RAB3B: variants seen among roughly 807,000 people sequenced by gnomAD.
RAB3B encodes the protein ras-related protein Rab-3B.
RAB3B carries 11 observed loss-of-function variants against 20.5 expected under a neutral mutation model. The observed-to-expected ratio is 0.54, with a 90% CI of 0.34 to 0.89. The LOEUF (loss-of-function observed/expected upper bound fraction) is 0.89, where lower values mean the gene tolerates loss of function less well. Among genes scored for constraint, RAB3B ranks in the 40% least tolerant of loss-of-function variants. The pLI, the probability that RAB3B is intolerant of heterozygous loss-of-function variation, is 0.02. For missense variants in RAB3B, 225 were observed against 280.9 expected, an observed-to-expected ratio of 0.80 and a Z score of 1.42; for synonymous variants, 99 against 106.3, an observed-to-expected ratio of 0.93 and a Z score of 0.42.
Position 51,960,686 on chromosome 1 carries a change from G to A in RAB3B, c.228+16204C>T, listed in dbSNP as rs1411661211. 2.0e-5 allele frequency among the ~76,000 whole-genome samples: 3 copies of A among 152,258 alleles called. No homozygotes were observed. The East Asian group carries it at 5.8e-4, about 29-fold the overall frequency. On this transcript the variant is annotated intron_variant, in intron 2 of 4. Coordinates refer to ENST00000371655, the MANE Select transcript of RAB3B (RefSeq NM_002867.4). ...CTCCAGCCTTAGATGGCAACTGGAC[G>A]TCTTCAGGGGCAGAGCACTGCTGCT...
At chr1:51,963,363 A>G (rs927454233) in intron 2 of RAB3B, among the ~76,000 whole-genome samples, 4 of 152,102 alleles carry the variant, frequency 2.6e-5, no homozygotes, top group Non-Finnish European at 5.9e-5. Flanking sequence ...TCATGACAAC[A>G]GCCTCCCTTC....
At chr1:51,989,208 T>TTGTGTGTCTGTGTG (rs1553232395) in intron 1 of RAB3B, among the ~76,000 whole-genome samples, 1 of 99,870 alleles carries the variant, frequency 1.0e-5, no homozygotes, top group African/African-American at 4.3e-5. Context: ...CCATCTTGTT[T>TTGTGTGTCTGTGTG]TGTGTGTGTG....
In RAB3B at chr1:51,908,734, C is replaced by CGG. The variant is rs35752953; in HGVS notation, c.*11191_*11192dup. The CGG allele has an allele frequency of 6.6e-6, 1 of 151,868 alleles. No homozygotes were observed. The highest frequency in any genetic ancestry group is 2.4e-5 in the African/African-American group (1 of 41,254). The allele number at this position is 151,868 out of a possible 1,614,324, so 9.4% of individuals were successfully genotyped here. A position where few individuals can be genotyped will look rare whatever the true frequency, so the allele number is the denominator to read the frequency against. On this transcript the variant is annotated 3_prime_UTR_variant, in exon 5 of 5. Transcript: ENST00000371655. Reference sequence around the variant, plus strand: ...AGTTCAGAATTAGGACTGCCCACTGCGGGGGGAACAGACCCTCCCCTGTTC... The same window carrying CGG: ...AGTTCAGAATTAGGACTGCCCACTGCGGGGGGGGAACAGACCCTCCCCTGTTC...
Position 51,933,453 on chromosome 1 carries a change from A to G in RAB3B, c.348-11T>C, listed in dbSNP as rs781404268. ...TTGATCTGAGTAGCCCTAAAATGAG[A>G]TAGAAAGAGATATGTTAATCATATT... On this transcript the variant is annotated splice_polypyrimidine_tract_variant and intron_variant, in intron 3 of 4. Coordinates refer to ENST00000371655, the MANE Select transcript of RAB3B (RefSeq NM_002867.4). The G allele has an allele frequency of 3.1e-6, 5 of 1,606,606 alleles. No homozygotes were observed. In the East Asian group the frequency reaches 1.1e-4, roughly 36 times the overall value.
intron 1 of RAB3B, among the ~76,000 whole-genome samples, chr1:51,986,272 T>G (rs1685150113): frequency 6.7e-6 from 1 of 149,834 alleles, no homozygotes; most frequent in Non-Finnish European, 1.5e-5. Flanking sequence ...TGCCTCAGCC[T>G]CCCGAGTAGC....
chr1:51,943,423 A>C (rs546116106), intron 2 of RAB3B, among the ~76,000 whole-genome samples: 69 of 27,094 alleles, frequency 2.5e-3, no homozygotes, highest in South Asian at 7.1e-3. Flanking sequence ...AACAACAACA[A>C]CACCACAATG....
rs1020986846 is a variant in RAB3B, at chr1:51,910,491, T to C, written c.*9436A>G. ...ACCTCCAGCCTAGAATAGTCAGGCA[T>C]GGACCATCCAAACACAAATTGCTAA... On this transcript the variant is annotated 3_prime_UTR_variant, in exon 5 of 5. Transcript: ENST00000371655. The C allele has an allele frequency of 3.9e-5, 6 of 152,296 alleles. No individual in the cohort carries two copies. The highest frequency in any genetic ancestry group is 6.5e-5 in the Admixed American group (1 of 15,276). 9.4% of individuals were successfully genotyped at this position (152,296 alleles called of 1,614,324 possible).
At chr1:51,928,877 G>A (rs1253284417) in intron 4 of RAB3B, among the ~76,000 whole-genome samples, 1 of 152,096 alleles carries the variant, frequency 6.6e-6, no homozygotes, top group Non-Finnish European at 1.5e-5. Flanking sequence ...TCATCCTTTT[G>A]TTCTCACCTT....
At chr1:51,936,691 T>C (rs1487088447) in intron 3 of RAB3B, among the ~76,000 whole-genome samples, 1 of 152,196 alleles carries the variant, frequency 6.6e-6, no homozygotes, top group Non-Finnish European at 1.5e-5. Flanking sequence ...GCAGCATATG[T>C]GTCAGCAACT....
Position 51,958,904 on chromosome 1 carries a change from A to G in RAB3B, c.228+17986T>C, listed in dbSNP as rs138794185. Among the ~76,000 whole-genome samples the G allele has an allele frequency of 2.6e-5, 4 of 152,328 alleles. No homozygotes were observed. The East Asian group carries it at 7.7e-4, about 29-fold the overall frequency. ...AGTGCAGAGAGAAGAGATAGCCTCA[A>G]CTTTGAGAGGTATACAGCCTTAGCT... On this transcript the variant is annotated intron_variant, in intron 2 of 4. Coordinates refer to ENST00000371655, the MANE Select transcript of RAB3B (RefSeq NM_002867.4).
Position 51,910,875 on chromosome 1 carries a change from C to T in RAB3B, c.*9052G>A, listed in dbSNP as rs548136618. On this transcript the variant is annotated 3_prime_UTR_variant, in exon 5 of 5. Coordinates refer to ENST00000371655, the MANE Select transcript of RAB3B (RefSeq NM_002867.4). ...CCTAATCCTACTGCTCAGGGACTTG[C>T]TGATTTACTTTGCTGTCTATTAGCC... The T allele has an allele frequency of 4.6e-5, 7 of 152,310 alleles. No individual in the cohort carries two copies. The highest frequency in any genetic ancestry group is 8.8e-5 in the Non-Finnish European group (6 of 68,040). The allele number at this position is 152,310 out of a possible 1,614,324, so 9.4% of individuals were successfully genotyped here.
intron 2 of RAB3B, among the ~76,000 whole-genome samples, chr1:51,966,051 TCTC>T (rs1271496235): frequency 2.0e-5 from 3 of 152,170 alleles, no homozygotes; most frequent in Non-Finnish European, 4.4e-5. Flanking sequence ...ATATCCCCCT[TCTC>T]CTCTGCTTCA....
intron 2 of RAB3B, among the ~76,000 whole-genome samples, chr1:51,961,429 G>C (rs1684782741): frequency 6.6e-6 from 1 of 152,180 alleles, no homozygotes. Context: ...GGGTACCACA[G>C]GGCAGTGGAA....
At chr1:51,942,554 T>G (rs1366884455) in intron 2 of RAB3B, among the ~76,000 whole-genome samples, 1 of 152,214 alleles carries the variant, frequency 6.6e-6, no homozygotes, top group Non-Finnish European at 1.5e-5. Flanking sequence ...TTACTCACTA[T>G]GTGACTATAG....
In RAB3B at chr1:51,954,710, TG is replaced by T. The variant is rs1341239361; in HGVS notation, c.229-17299del. On this transcript the variant is annotated intron_variant, in intron 2 of 4. Transcript: ENST00000371655. ...GAGAAGCCTGAAACAGCACAGCATC[TG>T]GGGAGAAAGCAAGCAGTTCCATTTT... Among the ~76,000 whole-genome samples the T allele has an allele frequency of 1.5e-4, 23 of 152,326 alleles. No individual in the cohort carries two copies. The South Asian group carries it at 3.1e-3, about 21-fold the overall frequency.
intron 4 of RAB3B, among the ~76,000 whole-genome samples, chr1:51,925,743 T>C (rs1181671793): frequency 6.6e-6 from 1 of 152,204 alleles, no homozygotes; most frequent in Non-Finnish European, 1.5e-5. Context: ...TCCCCTGTAC[T>C]CTCATGGCAC....
At position 51,910,879 on chromosome 1, in the gene RAB3B, T is replaced by G. The variant is rs1294173059; in HGVS notation, c.*9048A>C. 2.6e-5 allele frequency: 4 copies of G among 152,208 alleles called. No individual in the cohort carries two copies. The highest frequency in any genetic ancestry group is 9.7e-5 in the African/African-American group (4 of 41,448). 9.4% of individuals were successfully genotyped at this position (152,208 alleles called of 1,614,324 possible). A position where few individuals can be genotyped will look rare whatever the true frequency, so the allele number is the denominator to read the frequency against. On this transcript the variant is annotated 3_prime_UTR_variant, in exon 5 of 5. Transcript: ENST00000371655. Reference sequence around the variant, plus strand: ...ATCCTACTGCTCAGGGACTTGCTGATTTACTTTGCTGTCTATTAGCCTTTC... The same window carrying G: ...ATCCTACTGCTCAGGGACTTGCTGAGTTACTTTGCTGTCTATTAGCCTTTC...
At chr1:51,986,804 A>T (rs1685157092) in intron 1 of RAB3B, among the ~76,000 whole-genome samples, 1 of 152,180 alleles carries the variant, frequency 6.6e-6, no homozygotes, top group Admixed American at 6.5e-5. Context: ...GGAAGCCCCC[A>T]AGGGGATCTT....
At chr1:51,945,127 C>A (rs1684547309) in intron 2 of RAB3B, among the ~76,000 whole-genome samples, 1 of 152,194 alleles carries the variant, frequency 6.6e-6, no homozygotes, top group South Asian at 2.1e-4. Context: ...AAGATTAACA[C>A]TCACTGAAGG....
Sources: gnomAD v4.1 joint callset for allele counts (sites outside exome capture counted in the v4.1 genomes callset) on GRCh38, gnomAD v4.1.1 for gene constraint, MANE v1.5 for transcripts, NCBI Gene and HGNC (gene_info 2026-07-23, HGNC 2026-07-21) for gene names.